Variants in RHAG observed in about 807,000 individuals in gnomAD.
The protein encoded by RHAG is Rh associated glycoprotein, also known as ammonium transporter Rh type A.
RHAG carries 25 observed loss-of-function variants against 42.4 expected under a neutral mutation model. The ratio of observed to expected loss-of-function variants is 0.59; its 90% CI spans 0.43 to 0.82. The LOEUF (loss-of-function observed/expected upper bound fraction) is 0.82, where lower values mean the gene tolerates loss of function less well. Ranked by LOEUF, RHAG falls within the 40% of genes least tolerant of loss-of-function variation. RHAG has a pLI of 0.00. For missense variants in RHAG, 483 were observed against 504.6 expected, an observed-to-expected ratio of 0.96 and a Z score of 0.41; for synonymous variants, 182 against 177.7, an observed-to-expected ratio of 1.02 and a Z score of -0.19.
chr6:49,617,281 G>A (rs1463196918), intron 3 of RHAG, among the ~76,000 whole-genome samples: 1 of 152,138 alleles, frequency 6.6e-6, no homozygotes, highest in Non-Finnish European at 1.5e-5. Context: ...ACCCCTCCTT[G>A]ATTCTACAAT....
intron 1 of RHAG, among the ~76,000 whole-genome samples, chr6:49,633,836 T>A (rs949194389): frequency 2.6e-5 from 4 of 151,926 alleles, no homozygotes; most frequent in Non-Finnish European, 5.9e-5. Flanking sequence ...AGCCATGGCA[T>A]TTTTTTTAAC....
chr6:49,616,729 T>A (rs1427378543), intron 3 of RHAG, among the ~76,000 whole-genome samples: 2 of 152,214 alleles, frequency 1.3e-5, no homozygotes, highest in East Asian at 3.8e-4. Flanking sequence ...TGTTCCTTTG[T>A]TTACTAGACA....
intron 1 of RHAG, among the ~76,000 whole-genome samples, chr6:49,625,677 G>A (rs1037548872): frequency 5.3e-5 from 8 of 152,138 alleles, no homozygotes; most frequent in African/African-American, 7.2e-5. Flanking sequence ...TTTAATTTAT[G>A]TTGTTAATTT....
At position 49,605,750 on chromosome 6, in the gene RHAG, T is replaced by C; in HGVS notation, c.*63A>G. 1 of 1,401,180 alleles carries C rather than the reference T, an allele frequency of 7.1e-7. No homozygotes were observed. The allele number at this position is 1,401,180 out of a possible 1,614,324, so 86.8% of individuals were successfully genotyped here. A position where few individuals can be genotyped will look rare whatever the true frequency, so the allele number is the denominator to read the frequency against. ...GGGAAAGGAAGCTGGAGAGCAGGAATGGTGTTTAGACTTCAGGTTCCAGCT... is the reference window on the plus strand; with the variant it reads ...GGGAAAGGAAGCTGGAGAGCAGGAACGGTGTTTAGACTTCAGGTTCCAGCT... On this transcript the variant is annotated 3_prime_UTR_variant, in exon 10 of 10. Coordinates refer to ENST00000371175, the MANE Select transcript of RHAG (RefSeq NM_000324.3).
At chr6:49,607,339 G>T in intron 7 of RHAG, 119 bp from the exon 8 acceptor site, 1 of 750,032 alleles carries the variant, frequency 1.3e-6, no homozygotes. Context: ...TTACACAGCA[G>T]CAAATTAAGC....
At position 49,611,078 on chromosome 6, in the gene RHAG, C is replaced by A; in HGVS notation, c.1013G>T (p.Gly338Val). 1.9e-6 allele frequency: 3 copies of A among 1,613,780 alleles called. No homozygotes were observed. The highest frequency in any genetic ancestry group is 2.5e-6 in the Non-Finnish European group (3 of 1,179,840). Residue 338 changes from glycine (G) to valine (V), a missense_variant, in exon 7 of 10, where the codon GGT (glycine) becomes GTT (valine). Coordinates refer to ENST00000371175, the MANE Select transcript of RHAG (RefSeq NM_000324.3). ...CGVHNLHGLP[G>V]VVGGLAGIVA... ...AATGCCTGCAAGGCCTCCCACTACA[C>A]CAGGTAAGCCGTGGAGGTTATGGAC...
chr6:49,610,976 A>C, intron 7 of RHAG, 48 bp downstream of exon 7: 1 of 1,612,298 alleles, frequency 6.2e-7, no homozygotes, highest in Non-Finnish European at 8.5e-7. Flanking sequence ...AGAGTGAGAG[A>C]AAACATCATG....
intron 1 of RHAG, among the ~76,000 whole-genome samples, chr6:49,626,642 A>G (rs1762849584): frequency 6.6e-6 from 1 of 152,154 alleles, no homozygotes; most frequent in Non-Finnish European, 1.5e-5. Flanking sequence ...CCCTCTTCTC[A>G]GCTCCACTAC....
At chr6:49,629,667 G>C (rs766936123) in intron 1 of RHAG, among the ~76,000 whole-genome samples, 1 of 152,162 alleles carries the variant, frequency 6.6e-6, no homozygotes, top group Non-Finnish European at 1.5e-5. Flanking sequence ...CAGGCATGGC[G>C]GGCTGCAGGT....
chr6:49,634,414 A>T (rs1296477634), intron 1 of RHAG, among the ~76,000 whole-genome samples: 7 of 152,162 alleles, frequency 4.6e-5, no homozygotes, highest in Non-Finnish European at 1.5e-5. Flanking sequence ...TTCTCAAAAA[A>T]CTAAAAATAT....
intron 9 of RHAG, 84 bp from the exon 10 acceptor site, chr6:49,605,914 G>T (rs1184028884): frequency 1.8e-6 from 2 of 1,128,656 alleles, no homozygotes; most frequent in Non-Finnish European, 2.7e-6. Flanking sequence ...AAATATTTTT[G>T]GTAATTATTA....
At chr6:49,610,952 C>T in intron 7 of RHAG, 72 bp downstream of exon 7, 1 of 1,588,168 alleles carries the variant, frequency 6.3e-7, no homozygotes, top group Non-Finnish European at 8.6e-7. Context: ...AAAATGAAAA[C>T]TCTCCCATTT....
intron 1 of RHAG, among the ~76,000 whole-genome samples, chr6:49,620,456 G>A (rs577449981): frequency 6.6e-6 from 1 of 152,098 alleles, no homozygotes; most frequent in African/African-American, 2.4e-5. Context: ...CGATCTGAAG[G>A]AAGGATCTGG....
intron 6 of RHAG, among the ~76,000 whole-genome samples, chr6:49,612,194 A>G (rs1421782288): frequency 6.6e-6 from 1 of 152,222 alleles, no homozygotes; most frequent in Non-Finnish European, 1.5e-5. Flanking sequence ...TTGATACTGG[A>G]TTCTTTCCTG....
At chr6:49,613,058 A>C (rs1156702237) in intron 5 of RHAG, among the ~76,000 whole-genome samples, 2 of 151,846 alleles carry the variant, frequency 1.3e-5, no homozygotes, top group Admixed American at 6.6e-5. Context: ...GGATGAAGGA[A>C]AGAGGAACTG....
At chr6:49,611,380 GT>G (rs1012342515) in intron 6 of RHAG, among the ~76,000 whole-genome samples, 1 of 151,722 alleles carries the variant, frequency 6.6e-6, no homozygotes, top group Non-Finnish European at 1.5e-5. Context: ...TTTTATTGTT[GT>G]TTTTTTGTGT....
chr6:49,627,892 T>A (rs938161666), intron 1 of RHAG, among the ~76,000 whole-genome samples: 1 of 152,078 alleles, frequency 6.6e-6, no homozygotes, highest in African/African-American at 2.4e-5. Flanking sequence ...TCCCACGACA[T>A]GTGGAAATTA....
intron 6 of RHAG, among the ~76,000 whole-genome samples, chr6:49,611,946 A>T (rs1347728757): frequency 1.3e-5 from 2 of 151,356 alleles, no homozygotes; most frequent in African/African-American, 4.9e-5. Context: ...CGGGGGTTTC[A>T]CCATGTTGTC....
chr6:49,635,000 C>CG (rs1562021969), intron 1 of RHAG, among the ~76,000 whole-genome samples: 2 of 124,508 alleles, frequency 1.6e-5, no homozygotes, highest in Non-Finnish European at 1.7e-5. Context: ...CTGTGTGTGT[C>CG]GGGGGGGTGG....
Sources: allele counts gnomAD v4.1 joint callset (sites outside exome capture counted in the v4.1 genomes callset), GRCh38; gene constraint gnomAD v4.1.1; transcripts MANE v1.5; gene names NCBI Gene and HGNC (gene_info 2026-07-23, HGNC 2026-07-21).